Variants in SEMA5A observed in about 807,000 individuals in gnomAD.
The protein encoded by SEMA5A is semaphorin 5A.
Under a neutral mutation model 135.5 loss-of-function variants are expected in SEMA5A, and 55 were observed. The observed-to-expected ratio is 0.41, with a 90% CI of 0.33 to 0.51. The LOEUF is 0.51. Among genes scored for constraint, SEMA5A ranks in the 20% least tolerant of loss-of-function variants. SEMA5A has a pLI of 0.37. For synonymous variants in SEMA5A, 580 were observed against 546.5 expected (o/e 1.06, Z -0.85); for missense variants, 1,290 against 1,419.9 (o/e 0.91, Z 1.47).
At chr5:9,428,670 A>G (rs2126650122) in intron 2 of SEMA5A, among the ~76,000 whole-genome samples, 1 of 152,314 alleles carries the variant, frequency 6.6e-6, no homozygotes, top group Middle Eastern at 3.4e-3. Context: ...TTGAGAAAGC[A>G]GTAAAATGAA....
intron 1 of SEMA5A, among the ~76,000 whole-genome samples, chr5:9,442,847 C>A (rs570284673): frequency 5.3e-5 from 8 of 152,268 alleles, no homozygotes; most frequent in Admixed American, 2.0e-4. Flanking sequence ...CATGTACTTA[C>A]TGAGGAATGA....
chr5:9,428,418 C>T (rs1285208933), intron 2 of SEMA5A, among the ~76,000 whole-genome samples: 1 of 152,108 alleles, frequency 6.6e-6, no homozygotes, highest in African/African-American at 2.4e-5. Context: ...TGTTCAAATG[C>T]TCACTTTAAG....
chr5:9,242,199 C>A (rs1748238870), intron 5 of SEMA5A, among the ~76,000 whole-genome samples: 1 of 152,166 alleles, frequency 6.6e-6, no homozygotes, highest in South Asian at 2.1e-4. Context: ...GAACTAGAAA[C>A]AACTGTGATT....
chr5:9,109,110 G>A (rs1005749047), intron 15 of SEMA5A, among the ~76,000 whole-genome samples: 3 of 134,358 alleles, frequency 2.2e-5, no homozygotes, highest in African/African-American at 8.5e-5. Flanking sequence ...GCGTGATCTC[G>A]GCTCACTGCA....
chr5:9,157,715 A>G (rs1346095749), intron 11 of SEMA5A, among the ~76,000 whole-genome samples: 2 of 152,224 alleles, frequency 1.3e-5, no homozygotes, highest in African/African-American at 4.8e-5. Flanking sequence ...AAGCACTTGC[A>G]GCCCAAGAGC....
chr5:9,171,582 C>T (rs937638279), intron 11 of SEMA5A, among the ~76,000 whole-genome samples: 2 of 152,144 alleles, frequency 1.3e-5, no homozygotes, highest in African/African-American at 2.4e-5. Flanking sequence ...TGAGACTCCC[C>T]AAATCTTTTC....
chr5:9,496,199 C>T (rs1047560740), intron 1 of SEMA5A, among the ~76,000 whole-genome samples: 5 of 152,068 alleles, frequency 3.3e-5, no homozygotes, highest in East Asian at 1.9e-4. Flanking sequence ...CGTGTGCCAC[C>T]GCACCCGGCT....
intron 1 of SEMA5A, among the ~76,000 whole-genome samples, chr5:9,500,861 C>T (rs777723758): frequency 2.6e-5 from 4 of 152,168 alleles, no homozygotes; most frequent in Admixed American, 6.5e-5. Context: ...GAGGCTTTCC[C>T]TGCCTTCCTG....
chr5:9,464,729 G>C lies in SEMA5A; in HGVS notation c.-174-26877C>G, dbSNP rs531598321. On this transcript the variant is annotated intron_variant, in intron 1 of 22. Coordinates refer to ENST00000382496, the MANE Select transcript of SEMA5A (RefSeq NM_003966.3). ...CTTGTAGACCATCACAGCCTCCTTT[G>C]AGTGGAAAACAGAATAAAATGGAAG... Among the ~76,000 whole-genome samples, 175 of 151,998 alleles carry C rather than the reference G, an allele frequency of 1.2e-3. 1 individual carries two copies. Among genetic ancestry groups the C allele is most frequent in the African/African-American group, 4.0e-3 (164 of 41,474 alleles).
At chr5:9,098,411 T>C (rs1354205264) in intron 16 of SEMA5A, among the ~76,000 whole-genome samples, 2 of 152,314 alleles carry the variant, frequency 1.3e-5, no homozygotes, top group East Asian at 3.9e-4. Context: ...AAGGGAACAT[T>C]TAATTGACTA....
chr5:9,355,225 T>C (rs1754388553), intron 3 of SEMA5A, among the ~76,000 whole-genome samples: 1 of 140,352 alleles, frequency 7.1e-6, no homozygotes, highest in African/African-American at 2.5e-5. Context: ...CTTGCAGCTA[T>C]AGTTTTGCCA....
At chr5:9,513,070 T>A (rs923017411) in intron 1 of SEMA5A, among the ~76,000 whole-genome samples, 3 of 143,374 alleles carry the variant, frequency 2.1e-5, no homozygotes, top group East Asian at 3.9e-4. Context: ...ATATATATAA[T>A]ATATATATAT....
chr5:9,367,921 T>A (rs1579423983), intron 3 of SEMA5A, among the ~76,000 whole-genome samples: 1 of 152,344 alleles, frequency 6.6e-6, no homozygotes, highest in East Asian at 1.9e-4. Flanking sequence ...GCATGTGATA[T>A]GCCCATACCC....
chr5:9,146,361 A>G (rs1742334477), intron 12 of SEMA5A, among the ~76,000 whole-genome samples: 1 of 152,148 alleles, frequency 6.6e-6, no homozygotes, highest in African/African-American at 2.4e-5. Flanking sequence ...GCTTTATTAC[A>G]TTTTTGTTGT....
At chr5:9,447,687 ATAAAT>A (rs2126696109) in intron 1 of SEMA5A, among the ~76,000 whole-genome samples, 1 of 152,328 alleles carries the variant, frequency 6.6e-6, no homozygotes, top group Admixed American at 6.5e-5. Flanking sequence ...TCCCCTCAAT[ATAAAT>A]TAGTGATTAA....
chr5:9,371,132 A>G (rs1412881918), intron 3 of SEMA5A, among the ~76,000 whole-genome samples: 14 of 152,212 alleles, frequency 9.2e-5, no homozygotes, highest in Admixed American at 6.5e-4. Context: ...ACTTAAAATA[A>G]TAAAAACTAT....
At chr5:9,362,398 G>A (rs1754737127) in intron 3 of SEMA5A, among the ~76,000 whole-genome samples, 1 of 152,012 alleles carries the variant, frequency 6.6e-6, no homozygotes, top group Admixed American at 6.6e-5. Context: ...CATCAACTCG[G>A]CCTACTGTTT....
chr5:9,082,562 T>C (rs1051401742), intron 16 of SEMA5A, among the ~76,000 whole-genome samples: 5 of 152,156 alleles, frequency 3.3e-5, no homozygotes, highest in Non-Finnish European at 5.9e-5. Flanking sequence ...TGCCCAGGGG[T>C]TCTACTCCCT....
At chr5:9,453,608 T>C (rs1445394094) in intron 1 of SEMA5A, among the ~76,000 whole-genome samples, 2 of 152,222 alleles carry the variant, frequency 1.3e-5, no homozygotes, top group African/African-American at 4.8e-5. Flanking sequence ...GCATATTAAA[T>C]AAGTTGTTTT....
Sources: gnomAD v4.1 joint callset for allele counts (sites outside exome capture counted in the v4.1 genomes callset) on GRCh38, gnomAD v4.1.1 for gene constraint, MANE v1.5 for transcripts, NCBI Gene and HGNC (gene_info 2026-07-23, HGNC 2026-07-21) for gene names.